Variants in CTNNA3 observed in about 807,000 individuals in gnomAD.
The protein encoded by CTNNA3 is catenin alpha 3, also known as catenin alpha-3.
Under a neutral mutation model 95.7 loss-of-function variants are expected in CTNNA3, and 76 were observed. That is an observed-to-expected ratio of 0.79 (90% confidence interval 0.66 to 0.96). The LOEUF is 0.96. CTNNA3 is among the 40% of genes least tolerant of loss of function. The pLI is 0.00. For synonymous variants in CTNNA3, 431 were observed against 374.4 expected (o/e 1.15, Z -1.74); for missense variants, 1,191 against 1,089.8 (o/e 1.09, Z -1.31).
chr10:66,157,358 A>G (rs1209932804), intron 13 of CTNNA3, among the ~76,000 whole-genome samples: 3 of 151,916 alleles, frequency 2.0e-5, no homozygotes, highest in African/African-American at 7.2e-5. Flanking sequence ...CAGGTCACTG[A>G]AAATGCTGTT....
intron 9 of CTNNA3, among the ~76,000 whole-genome samples, chr10:66,631,612 T>G (rs1318178833): frequency 6.6e-6 from 1 of 152,128 alleles, no homozygotes; most frequent in African/African-American, 2.4e-5. Flanking sequence ...TAGCAATCTA[T>G]GAATAGGAAG....
rs1418561699 is a variant in CTNNA3 at position 67,566,058 on chromosome 10, T to TATATATATATATATATATATAC, written c.293-26390_293-26389insGTATATATATATATATATATAT. ...ATGTGTGTGTGTATATATATATATA[T>TATATATATATATATATATATAC]ATATATATATATATACAAAACCTAG... is the stretch of plus-strand genomic sequence containing the variant. On this transcript the variant is annotated intron_variant, in intron 3 of 17. Transcript: ENST00000433211. 4.0e-4 allele frequency among the ~76,000 whole-genome samples: 34 copies of TATATATATATATATATATATAC among 85,574 alleles called. 1 individual carries two copies. In the East Asian group the frequency reaches 5.2e-3, roughly 13 times the overall value. 56.1% of individuals were successfully genotyped at this position (85,574 alleles called of 152,430 possible). A position where few individuals can be genotyped will look rare whatever the true frequency, so the allele number is the denominator to read the frequency against.
chr10:67,017,247 A>T (rs1852714955), intron 7 of CTNNA3, among the ~76,000 whole-genome samples: 1 of 152,226 alleles, frequency 6.6e-6, no homozygotes, highest in African/African-American at 2.4e-5. Context: ...TAAAAACATT[A>T]CTGAAATTGC....
chr10:67,046,469 G>T (rs750778841), intron 7 of CTNNA3, among the ~76,000 whole-genome samples: 36 of 152,168 alleles, frequency 2.4e-4, no homozygotes, highest in Non-Finnish European at 4.3e-4. Flanking sequence ...CAAGCTAATA[G>T]ACATTGCCAC....
At chr10:67,463,185 G>T (rs144663141) in intron 5 of CTNNA3, among the ~76,000 whole-genome samples, 1 of 152,094 alleles carries the variant, frequency 6.6e-6, no homozygotes, top group African/African-American at 2.4e-5. Context: ...GATTATAGGC[G>T]TTAGCCACCA....
intron 13 of CTNNA3, among the ~76,000 whole-genome samples, chr10:66,214,157 C>T (rs913613286): frequency 6.6e-6 from 1 of 152,166 alleles, no homozygotes; most frequent in Non-Finnish European, 1.5e-5. Flanking sequence ...AGGTAGCAAC[C>T]ATTCTACCTC....
intron 5 of CTNNA3, among the ~76,000 whole-genome samples, chr10:67,484,856 T>C (rs776181651): frequency 2.0e-5 from 3 of 152,204 alleles, no homozygotes; most frequent in Non-Finnish European, 2.9e-5. Context: ...GGGATGCTTA[T>C]ATATTGTTGG....
At chr10:66,200,053 A>G (rs1043569356) in intron 13 of CTNNA3, among the ~76,000 whole-genome samples, 2 of 151,340 alleles carry the variant, frequency 1.3e-5, no homozygotes, top group Non-Finnish European at 2.9e-5. Context: ...ACCTTTCTAC[A>G]AATTTTAAGT....
intron 12 of CTNNA3, among the ~76,000 whole-genome samples, chr10:66,357,047 A>T (rs1217670374): frequency 1.3e-5 from 2 of 151,986 alleles, no homozygotes; most frequent in Admixed American, 1.3e-4. Context: ...TTCATGAGAG[A>T]TACTGGTCTG....
chr10:67,172,601 CCT>C (rs572804497), intron 7 of CTNNA3, among the ~76,000 whole-genome samples: 178 of 152,152 alleles, frequency 1.2e-3, no homozygotes, highest in African/African-American at 4.2e-3. Flanking sequence ...GGTGGCCATA[CCT>C]CTCAGTTTGC....
At chr10:67,606,558 A>G (rs757337011) in intron 3 of CTNNA3, among the ~76,000 whole-genome samples, 5 of 152,254 alleles carry the variant, frequency 3.3e-5, no homozygotes, top group African/African-American at 9.6e-5. Flanking sequence ...ATTTCTCACT[A>G]TATTCTAAGA....
At chr10:66,849,757 A>C (rs1395193669) in intron 7 of CTNNA3, among the ~76,000 whole-genome samples, 1 of 152,134 alleles carries the variant, frequency 6.6e-6, no homozygotes, top group African/African-American at 2.4e-5. Flanking sequence ...AGATACCTTA[A>C]TTTCAGACTT....
At chr10:66,364,481 A>G (rs1176607074) in intron 12 of CTNNA3, among the ~76,000 whole-genome samples, 2 of 152,108 alleles carry the variant, frequency 1.3e-5, no homozygotes, top group Non-Finnish European at 2.9e-5. Flanking sequence ...AAGAAATTAA[A>G]AACAACACTT....
At chr10:67,695,462 A>T (rs1033012909) in intron 1 of CTNNA3, among the ~76,000 whole-genome samples, 2 of 152,180 alleles carry the variant, frequency 1.3e-5, no homozygotes, top group Non-Finnish European at 2.9e-5. Flanking sequence ...ATAACTGGTC[A>T]TCAAACAGTT....
At chr10:67,033,242 C>T (rs1853841315) in intron 7 of CTNNA3, among the ~76,000 whole-genome samples, 1 of 152,178 alleles carries the variant, frequency 6.6e-6, no homozygotes, top group Non-Finnish European at 1.5e-5. Context: ...GGCTTTCTCT[C>T]TGAGGCAAAG....
At chr10:67,439,968 G>C (rs1316415206) in intron 5 of CTNNA3, among the ~76,000 whole-genome samples, 1 of 152,158 alleles carries the variant, frequency 6.6e-6, no homozygotes, top group Non-Finnish European at 1.5e-5. Flanking sequence ...AAACGTAAAG[G>C]GGGCTTTTTC....
At chr10:67,414,704 T>C (rs1313308486) in intron 5 of CTNNA3, among the ~76,000 whole-genome samples, 2 of 152,194 alleles carry the variant, frequency 1.3e-5, no homozygotes, top group African/African-American at 4.8e-5. Context: ...GCAAATTGAA[T>C]CTAGCAGCAC....
At chr10:66,360,674 C>CTTTCTTT (rs1564896417) in intron 12 of CTNNA3, among the ~76,000 whole-genome samples, 24 of 75,828 alleles carry the variant, frequency 3.2e-4, no homozygotes, top group African/African-American at 9.7e-4. Flanking sequence ...TTCCTTCCTT[C>CTTTCTTT]CTTCCTTCCT....
At chr10:66,507,670 A>C (rs1355784479) in intron 11 of CTNNA3, among the ~76,000 whole-genome samples, 1 of 152,022 alleles carries the variant, frequency 6.6e-6, no homozygotes, top group African/African-American at 2.4e-5. Context: ...TACCAACGAC[A>C]ATATTTCATT....
Sources: gnomAD v4.1 joint callset for allele counts (sites outside exome capture counted in the v4.1 genomes callset) on GRCh38, gnomAD v4.1.1 for gene constraint, MANE v1.5 for transcripts, NCBI Gene and HGNC (gene_info 2026-07-23, HGNC 2026-07-21) for gene names.